Variants in NCAPD3 observed in about 807,000 individuals in gnomAD.
NCAPD3 encodes the protein condensin-2 complex subunit D3.
A neutral mutation model predicts 182.9 loss-of-function variants in NCAPD3; 105 were observed. The ratio of observed to expected loss-of-function variants is 0.57; its 90% CI spans 0.49 to 0.68. The LOEUF (loss-of-function observed/expected upper bound fraction) is 0.68. Ranked by LOEUF, NCAPD3 falls within the 30% of genes least tolerant of loss-of-function variation. NCAPD3 has a pLI of 0.00. For synonymous variants in NCAPD3, 815 were observed against 679.9 expected (o/e 1.20, Z -3.09); for missense variants, 1,944 against 1,837.0 (o/e 1.06, Z -1.07).
In NCAPD3 at chr11:134,178,838, A is replaced by G. The variant is rs1325298664; in HGVS notation, c.2658T>C (p.Ser886=). The G allele has an allele frequency of 3.1e-6, 5 of 1,614,058 alleles. No homozygotes were observed. The highest frequency in any genetic ancestry group is 4.2e-6 in the Non-Finnish European group (5 of 1,180,002). ...FLLIQSVLAS[S]ADADHSPSSQ... ...ATGCCTTACAGTGGTCAGCATCAGCAGACGAAGCCAGGACGGACTGAATCA... is the reference window on the plus strand; with the variant it reads ...ATGCCTTACAGTGGTCAGCATCAGCGGACGAAGCCAGGACGGACTGAATCA... Residue 886 remains serine, a synonymous_variant, in exon 21 of 35, where the codon TCT becomes TCC. Coordinates refer to ENST00000534548, the MANE Select transcript of NCAPD3 (RefSeq NM_015261.3).
intron 13 of NCAPD3, among the ~76,000 whole-genome samples, chr11:134,199,967 T>C (rs1172636121): frequency 3.3e-5 from 5 of 152,324 alleles, no homozygotes; most frequent in Non-Finnish European, 7.3e-5. Flanking sequence ...CAAGTGATTT[T>C]TTTACAAGGG....
intron 27 of NCAPD3, among the ~76,000 whole-genome samples, chr11:134,165,802 C>G (rs1332385523): frequency 7.6e-6 from 1 of 131,070 alleles, no homozygotes; most frequent in African/African-American, 3.0e-5. Context: ...AGGGGAGATG[C>G]ACACTCACTT....
chr11:134,188,936 C>T (rs1482376176), intron 16 of NCAPD3, among the ~76,000 whole-genome samples: 1 of 152,122 alleles, frequency 6.6e-6, no homozygotes, highest in Non-Finnish European at 1.5e-5. Context: ...AGGAGAAACC[C>T]ACTCTCCTGG....
chr11:134,186,576 T>C (rs1006377348), intron 16 of NCAPD3, among the ~76,000 whole-genome samples: 9 of 152,236 alleles, frequency 5.9e-5, no homozygotes, highest in Admixed American at 4.6e-4. Flanking sequence ...TGGGATCATA[T>C]GATTCATGAG....
chr11:134,169,703 C>T (rs1027199260), intron 24 of NCAPD3, among the ~76,000 whole-genome samples: 20 of 152,134 alleles, frequency 1.3e-4, no homozygotes, highest in Admixed American at 5.9e-4. Flanking sequence ...CAGGACCCTA[C>T]CAAAATGAAG....
intron 27 of NCAPD3, among the ~76,000 whole-genome samples, chr11:134,162,872 T>G (rs1458744499): frequency 2.0e-5 from 3 of 152,132 alleles, no homozygotes; most frequent in African/African-American, 4.8e-5. Flanking sequence ...GAAGAGGTGT[T>G]AAGTGGCAGG....
At chr11:134,202,272 G>A (rs1011011231) in intron 13 of NCAPD3, among the ~76,000 whole-genome samples, 6 of 152,094 alleles carry the variant, frequency 3.9e-5, no homozygotes, top group Admixed American at 6.5e-5. Context: ...CCCAACAGTC[G>A]TCTGGGAAAG....
intron 14 of NCAPD3, among the ~76,000 whole-genome samples, chr11:134,194,354 C>T (rs1944583961): frequency 6.6e-6 from 1 of 152,082 alleles, no homozygotes; most frequent in South Asian, 2.1e-4. Context: ...TTTATATAAA[C>T]AAATATTTAC....
chr11:134,165,294 T>A (rs1943740717), intron 27 of NCAPD3, among the ~76,000 whole-genome samples: 2 of 148,386 alleles, frequency 1.3e-5, no homozygotes. Flanking sequence ...TGAGATGAAC[T>A]TAGGGAAGCT....
chr11:134,206,530 A>G lies in NCAPD3; in HGVS notation c.1016+69T>C, dbSNP rs1407643224. ...AATTTTAAGTCTACATGTATCAGAA[A>G]TCTTAGTGCAGGGCCCAGAGTACTG... On this transcript the variant is annotated intron_variant, in intron 8 of 34. Transcript: ENST00000534548. 5.7e-6 allele frequency: 9 copies of G among 1,569,516 alleles called. No homozygotes were observed. The African/African-American group carries it at 1.2e-4, about 22-fold the overall frequency.
At chr11:134,222,840 C>T (rs1938284929) in intron 1 of NCAPD3, among the ~76,000 whole-genome samples, 1 of 152,200 alleles carries the variant, frequency 6.6e-6, no homozygotes, top group Admixed American at 6.5e-5. Flanking sequence ...AAAATTGTTA[C>T]AGTGTTTGCT....
Position 134,203,177 on chromosome 11 carries a change from T to C in NCAPD3, c.1490A>G (p.Glu497Gly), listed in dbSNP as rs768941666. ...LINSPTFSVI[E>G]SHPGTLLRNS... is the part of the protein sequence containing the mutation. ...TCTCAGTAAGGTACCAGGGTGACTC[T>C]CTATTACAGAAAACGTAGGACCTAA... is the stretch of plus-strand genomic sequence containing the variant. Residue 497 changes from glutamate (E) to glycine (G), a missense_variant, in exon 12 of 35, where the codon GAG becomes GGG. Transcript: ENST00000534548. 1.3e-6 allele frequency: 2 copies of C among 1,598,864 alleles called. No individual in the cohort carries two copies. The highest frequency in any genetic ancestry group is 2.7e-5 in the African/African-American group (2 of 74,660).
intron 27 of NCAPD3, among the ~76,000 whole-genome samples, chr11:134,162,235 C>A (rs1436466687): frequency 6.6e-6 from 1 of 152,204 alleles, no homozygotes; most frequent in East Asian, 1.9e-4. Context: ...CACCTTCAGT[C>A]CTCAATTCAA....
At chr11:134,208,378 C>T (rs1402791914) in intron 7 of NCAPD3, among the ~76,000 whole-genome samples, 2 of 152,186 alleles carry the variant, frequency 1.3e-5, no homozygotes, top group Non-Finnish European at 2.9e-5. Context: ...ATGCTGACCA[C>T]GGGTGACAAC....
rs1220546177 is a variant in NCAPD3 at position 134,178,554 on chromosome 11, C to G, written c.2782+80G>C. 5 of 1,126,828 alleles carry G rather than the reference C, an allele frequency of 4.4e-6. No homozygotes were observed. In the African/African-American group the frequency reaches 7.7e-5, roughly 17 times the overall value. The allele number at this position is 1,126,828 out of a possible 1,614,324, so 69.8% of individuals were successfully genotyped here. A position where few individuals can be genotyped will look rare whatever the true frequency, so the allele number is the denominator to read the frequency against. Reference sequence around the variant, plus strand: ...CAGACAGGCTCCGCAGCCCCTGACACAGTCCCATGGCTGGGCTTACTTAAG... The same window carrying G: ...CAGACAGGCTCCGCAGCCCCTGACAGAGTCCCATGGCTGGGCTTACTTAAG... On this transcript the variant is annotated intron_variant, in intron 22 of 34. Transcript: ENST00000534548.
At chr11:134,163,198 T>A (rs1433011912) in intron 27 of NCAPD3, among the ~76,000 whole-genome samples, 1 of 152,152 alleles carries the variant, frequency 6.6e-6, no homozygotes, top group Non-Finnish European at 1.5e-5. Flanking sequence ...GCATAGTTTT[T>A]AAAGATTTCA....
rs139459328 is a variant in NCAPD3 at position 134,204,087 on chromosome 11, T to C, written c.1174A>G (p.Met392Val). The change falls in exon 10 of 35, where the codon ATG (methionine) becomes GTG (valine). Residue 392 changes from methionine to valine, a missense_variant. By Grantham distance (21) the Met-to-Val change is conservative. Coordinates refer to ENST00000534548, the MANE Select transcript of NCAPD3 (RefSeq NM_015261.3). The surrounding 1 kb of genome is among the most constrained non-coding windows in gnomAD (Gnocchi z 4.3). ...TATTTGTAAAGCCAGGCAATGAACA[T>C]AGCGTATTCCCCACAAGGAAGTTTA... Reference protein sequence around the residue: ...LSKLPCGEYAMFIAWLYKYSR... With the variant: ...LSKLPCGEYAVFIAWLYKYSR... The C allele has an allele frequency of 1.2e-6, 2 of 1,614,090 alleles. No individual in the cohort carries two copies. The highest frequency in any genetic ancestry group is 1.3e-5 in the African/African-American group (1 of 75,044).
intron 20 of NCAPD3, among the ~76,000 whole-genome samples, chr11:134,180,038 G>A (rs1233057923): frequency 6.6e-6 from 1 of 152,040 alleles, no homozygotes; most frequent in African/African-American, 2.4e-5. Flanking sequence ...ACCTGGGGGA[G>A]GAGGGGTGGG....
chr11:134,187,663 A>G (rs1380304228), intron 16 of NCAPD3, among the ~76,000 whole-genome samples: 1 of 152,194 alleles, frequency 6.6e-6, no homozygotes, highest in Non-Finnish European at 1.5e-5. Flanking sequence ...ACCCTAAGCC[A>G]GAAGAAGAAA....
Sources: gnomAD v4.1 joint callset for allele counts (sites outside exome capture counted in the v4.1 genomes callset) on GRCh38, gnomAD v4.1.1 for gene constraint, Gnocchi (gnomAD v3.1) non-coding constraint, MANE v1.5 for transcripts, NCBI Gene and HGNC (gene_info 2026-07-23, HGNC 2026-07-21) for gene names.